CERS6: variants seen among roughly 807,000 people sequenced by gnomAD.
CERS6 encodes ceramide synthase 6, also known as LAG1 homolog, ceramide synthase 6.
CERS6 carries 26 observed loss-of-function variants against 56.8 expected under a neutral mutation model. The observed-to-expected ratio is 0.46, with a 90% CI of 0.34 to 0.63. CERS6 has a LOEUF of 0.63. Among genes scored for constraint, CERS6 ranks in the 30% least tolerant of loss-of-function variants. The probability of loss-of-function intolerance (pLI) is 0.01; values close to 1 mark genes in which losing one functional copy is unlikely to be tolerated. For synonymous variants in CERS6, 164 were observed against 173.3 expected, an observed-to-expected ratio of 0.95 and a Z score of 0.42; for missense variants, 415 against 467.5, an observed-to-expected ratio of 0.89 and a Z score of 1.04.
chr2:168,633,373 T>C (rs1262142356), intron 4 of CERS6, among the ~76,000 whole-genome samples: 1 of 152,178 alleles, frequency 6.6e-6, no homozygotes, highest in African/African-American at 2.4e-5. Flanking sequence ...GAGGACTTCA[T>C]AAGCCATCTT....
chr2:168,624,627 A>G (rs1684548688), intron 3 of CERS6, among the ~76,000 whole-genome samples: 1 of 152,080 alleles, frequency 6.6e-6, no homozygotes, highest in South Asian at 2.1e-4. Context: ...CCCCAAGAGA[A>G]CCTACTATAA....
rs962344670 is a variant in CERS6 at position 168,672,985 on chromosome 2, A to G, written c.466-18049A>G. On this transcript the variant is annotated intron_variant, in intron 4 of 9. Coordinates refer to ENST00000305747, the MANE Select transcript of CERS6 (RefSeq NM_203463.3). Reference sequence around the variant, plus strand: ...TAATTTCTCTATCCTAAATCAGGAGATAAACAATAAATAAGGATGTGCTGT... The same window carrying G: ...TAATTTCTCTATCCTAAATCAGGAGGTAAACAATAAATAAGGATGTGCTGT... Among the ~76,000 whole-genome samples, 5 of 152,346 alleles carry G rather than the reference A, an allele frequency of 3.3e-5. No individual in the cohort carries two copies. The East Asian group carries it at 9.6e-4, about 29-fold the overall frequency.
intron 1 of CERS6, among the ~76,000 whole-genome samples, chr2:168,541,075 G>A (rs1695359203): frequency 6.6e-6 from 1 of 152,002 alleles, no homozygotes; most frequent in Non-Finnish European, 1.5e-5. Flanking sequence ...GAGCTGGCAT[G>A]TGCAGAGATC....
chr2:168,693,726 GC>G (rs138086483), intron 5 of CERS6, among the ~76,000 whole-genome samples: 3,302 of 152,116 alleles, frequency 0.022, 118 homozygotes, highest in African/African-American at 0.074. Context: ...ATTCATGGGG[GC>G]TCCACTCTGA....
chr2:168,563,050 A>G (rs1695820756), intron 3 of CERS6, among the ~76,000 whole-genome samples: 1 of 152,118 alleles, frequency 6.6e-6, no homozygotes, highest in Non-Finnish European at 1.5e-5. Flanking sequence ...AGCCCCTACT[A>G]TGCTGAGTCT....
intron 4 of CERS6, among the ~76,000 whole-genome samples, chr2:168,661,135 A>G (rs968830874): frequency 1.3e-5 from 2 of 152,208 alleles, no homozygotes; most frequent in Non-Finnish European, 2.9e-5. Flanking sequence ...TCTGTGTCCC[A>G]GGAGGATGTA....
intron 1 of CERS6, among the ~76,000 whole-genome samples, chr2:168,487,499 G>A (rs959659710): frequency 9.2e-5 from 14 of 152,126 alleles, no homozygotes; most frequent in African/African-American, 3.4e-4. Context: ...TTTCATCAAG[G>A]TGTAAGACTC....
intron 8 of CERS6, among the ~76,000 whole-genome samples, chr2:168,759,280 A>G (rs1293461122): frequency 6.6e-6 from 1 of 152,082 alleles, no homozygotes; most frequent in African/African-American, 2.4e-5. Context: ...CATTCATTTG[A>G]TGGGATTTTT....
chr2:168,558,610 C>T (rs1377237072), intron 2 of CERS6, among the ~76,000 whole-genome samples: 1 of 152,222 alleles, frequency 6.6e-6, no homozygotes, highest in African/African-American at 2.4e-5. Flanking sequence ...TGGCTCACGC[C>T]TGTAATCCCA....
intron 4 of CERS6, among the ~76,000 whole-genome samples, chr2:168,643,391 C>T (rs1314718468): frequency 6.6e-6 from 1 of 152,052 alleles, no homozygotes; most frequent in Non-Finnish European, 1.5e-5. Context: ...AAATGATTCC[C>T]CACTTACCTT....
intron 1 of CERS6, among the ~76,000 whole-genome samples, chr2:168,470,879 C>T (rs1186798443): frequency 6.6e-6 from 1 of 152,066 alleles, no homozygotes; most frequent in Non-Finnish European, 1.5e-5. Flanking sequence ...AATGAGGCTC[C>T]TGAAATAAAC....
intron 1 of CERS6, among the ~76,000 whole-genome samples, chr2:168,457,568 T>C (rs1373007780): frequency 6.6e-6 from 1 of 152,150 alleles, no homozygotes; most frequent in Non-Finnish European, 1.5e-5. Flanking sequence ...GAAAATATTA[T>C]CTTCCCCTTT....
chr2:168,719,008 T>C (rs1278192902), intron 8 of CERS6, among the ~76,000 whole-genome samples: 3 of 152,362 alleles, frequency 2.0e-5, no homozygotes, highest in Middle Eastern at 3.4e-3. Context: ...ACAGTAAGCT[T>C]ACCAGTCTAG....
chr2:168,635,534 A>G (rs565148525), intron 4 of CERS6, among the ~76,000 whole-genome samples: 1 of 152,352 alleles, frequency 6.6e-6, no homozygotes, highest in South Asian at 2.1e-4. Flanking sequence ...AGCTCCTTAA[A>G]GCCAGCAGAA....
At chr2:168,737,321 T>C in intron 8 of CERS6, among the ~76,000 whole-genome samples, 1 of 152,220 alleles carries the variant, frequency 6.6e-6, no homozygotes, top group Non-Finnish European at 1.5e-5. Context: ...AAATTCAATA[T>C]TGGCTCGCAG....
intron 3 of CERS6, among the ~76,000 whole-genome samples, chr2:168,589,058 G>T (rs1683612926): frequency 6.6e-6 from 1 of 152,290 alleles, no homozygotes; most frequent in East Asian, 1.9e-4. Flanking sequence ...GTTCTTTTGG[G>T]TATATAGAAG....
At chr2:168,701,882 A>G (rs931761978) in intron 6 of CERS6, among the ~76,000 whole-genome samples, 6 of 152,128 alleles carry the variant, frequency 3.9e-5, no homozygotes, top group Non-Finnish European at 7.4e-5. Flanking sequence ...ATAAAATTGT[A>G]TATTTTTGTA....
chr2:168,585,023 C>T (rs1683507836), intron 3 of CERS6, among the ~76,000 whole-genome samples: 1 of 152,174 alleles, frequency 6.6e-6, no homozygotes. Context: ...AAGGATTTAA[C>T]AAAAAGAAAT....
At chr2:168,578,800 A>T (rs1397292487) in intron 3 of CERS6, among the ~76,000 whole-genome samples, 1 of 152,164 alleles carries the variant, frequency 6.6e-6, no homozygotes, top group African/African-American at 2.4e-5. Context: ...ATGCATTGTA[A>T]AATCCTATGG....
Sources: allele counts gnomAD v4.1 joint callset (sites outside exome capture counted in the v4.1 genomes callset), GRCh38; gene constraint gnomAD v4.1.1; transcripts MANE v1.5; gene names NCBI Gene and HGNC (gene_info 2026-07-23, HGNC 2026-07-21).